Variants in TAF1 observed in about 807,000 individuals in gnomAD.
TAF1 encodes the protein transcription initiation factor TFIID subunit 1.
A neutral mutation model predicts 138.5 loss-of-function variants in TAF1; 2 were observed. The observed-to-expected ratio is 0.01, with a 90% CI of 0.01 to 0.05. The LOEUF is 0.05. Among genes scored for constraint, TAF1 ranks in the 10% least tolerant of loss-of-function variants. The probability of loss-of-function intolerance (pLI) is 1.00; values close to 1 mark genes in which losing one functional copy is unlikely to be tolerated. For missense variants in TAF1, 709 were observed against 1,478.0 expected (o/e 0.48, Z 8.53); for synonymous variants, 437 against 503.2 (o/e 0.87, Z 1.76).
intron 25 of TAF1, among the ~76,000 whole-genome samples, chrX:71,405,760 A>C (rs1027320255): frequency 3.6e-5 from 4 of 112,071 alleles, no homozygotes; most frequent in Non-Finnish European, 7.5e-5. Context: ...TAATCCCAGC[A>C]CTTTGGGAGG....
chrX:71,482,239 A>G (rs1044275873), intron 13 of TAF1, among the ~76,000 whole-genome samples: 12 of 112,396 alleles, frequency 1.1e-4, no homozygotes, highest in African/African-American at 3.9e-4. Flanking sequence ...CTCATGGCCA[A>G]TACTGGACAA....
chrX:71,473,715 C>G (rs1051714148), intron 13 of TAF1, among the ~76,000 whole-genome samples: 4 of 109,628 alleles, frequency 3.6e-5, no homozygotes, highest in African/African-American at 6.6e-5. Flanking sequence ...ATAACAACAA[C>G]AACAACAAAA....
At chrX:71,396,179 A>G (rs1454294555) in intron 22 of TAF1, among the ~76,000 whole-genome samples, 2 of 109,442 alleles carry the variant, frequency 1.8e-5, no homozygotes, top group Non-Finnish European at 3.8e-5. Flanking sequence ...ACATTTGAAC[A>G]AGATCCTCAG....
chrX:71,493,391 T>C (rs936207678), intron 13 of TAF1, among the ~76,000 whole-genome samples: 18 of 112,573 alleles, frequency 1.6e-4, no homozygotes, highest in African/African-American at 5.8e-4. Flanking sequence ...ATGTGCTCTC[T>C]GTAGCTAAAA....
At chrX:71,386,824 T>G (rs1290398131) in intron 14 of TAF1, among the ~76,000 whole-genome samples, 7 of 113,131 alleles carry the variant, frequency 6.2e-5, no homozygotes, top group Admixed American at 1.9e-4. Flanking sequence ...TCACACGTTG[T>G]GTGTTGGGCT....
intron 32 of TAF1, among the ~76,000 whole-genome samples, chrX:71,452,466 G>A (rs746716690): frequency 2.1e-3 from 235 of 110,040 alleles, no homozygotes; most frequent in African/African-American, 7.3e-3. Flanking sequence ...GACGATGGGC[G>A]GCTGGGCAGA....
At chrX:71,515,219 C>T (rs753768807) in intron 13 of TAF1, among the ~76,000 whole-genome samples, 1 of 111,248 alleles carries the variant, frequency 9.0e-6, no homozygotes, top group African/African-American at 3.3e-5. Context: ...AATTCCAGAG[C>T]TATTTTGATA....
At chrX:71,463,158 CA>C (rs1437274366) in intron 37 of TAF1, among the ~76,000 whole-genome samples, 2 of 111,136 alleles carry the variant, frequency 1.8e-5, no homozygotes, top group Non-Finnish European at 3.8e-5. Flanking sequence ...CTAAAGTTCA[CA>C]AAAAATTTTG....
rs969286918 is a variant in TAF1, at chrX:71,407,830, T to C, written c.4207-144T>C. The C allele has an allele frequency of 5.9e-4, 574 of 969,406 alleles. 2 individuals are homozygous for C. Among genetic ancestry groups the C allele is most frequent in the Non-Finnish European group, 3.9e-4 (281 of 713,329 alleles). 79.9% of individuals were successfully genotyped at this position (969,406 alleles called of 1,213,427 possible). A position where few individuals can be genotyped will look rare whatever the true frequency, so the allele number is the denominator to read the frequency against. On this transcript the variant is annotated intron_variant, in intron 27 of 37. Transcript: ENST00000423759. Reference sequence around the variant, plus strand: ...TTGTTTGTTTGTTTTTTTAAGCAGTTTAGTAGAGGAAACAGACGTGCTCCA... The same window carrying C: ...TTGTTTGTTTGTTTTTTTAAGCAGTCTAGTAGAGGAAACAGACGTGCTCCA...
chrX:71,407,054 T>C (rs1407388209), intron 26 of TAF1, among the ~76,000 whole-genome samples: 1 of 107,775 alleles, frequency 9.3e-6, no homozygotes, highest in Non-Finnish European at 1.9e-5. Context: ...TAGCTGGGAT[T>C]ACAGGTGCAC....
chrX:71,367,424 C>G, intron 1 of TAF1, 75 bp from the exon 2 acceptor site: 5 of 1,114,066 alleles, frequency 4.5e-6, no homozygotes, highest in Non-Finnish European at 4.9e-6. Context: ...TTGTCGTGGA[C>G]CAGGGAAATA....
Position 71,387,433 on chromosome X carries a change from C to G in TAF1, c.2399C>G (p.Ala800Gly). 1 of 1,211,643 alleles carries G rather than the reference C, an allele frequency of 8.3e-7. No homozygotes were observed. Among genetic ancestry groups the G allele is most frequent in the Admixed American group, 2.2e-5 (1 of 46,012 alleles). Residue 800 changes from alanine (A) to glycine (G), a missense_variant, in exon 15 of 38, where the codon GCC becomes GGC. Physicochemically the swap from Ala to Gly is moderately conservative, Grantham distance 60. Transcript: ENST00000423759. ...GTTCCTGGGCCTAACTCCAAAAGGGCCAATACGCATATTCGAGACTTTCTA... is the reference window on the plus strand; with the variant it reads ...GTTCCTGGGCCTAACTCCAAAAGGGGCAATACGCATATTCGAGACTTTCTA... ...FEVPGPNSKR[A>G]NTHIRDFLQV...
intron 25 of TAF1, among the ~76,000 whole-genome samples, chrX:71,402,752 G>C (rs1013848550): frequency 9.0e-6 from 1 of 111,659 alleles, no homozygotes; most frequent in African/African-American, 3.3e-5. Context: ...AATTGTTAAC[G>C]TTTTGTCACA....
chrX:71,524,724 C>CCT (rs1349171095), intron 13 of TAF1, among the ~76,000 whole-genome samples: 1 of 109,064 alleles, frequency 9.2e-6, no homozygotes, highest in South Asian at 4.0e-4. Flanking sequence ...GGGCGGATCA[C>CCT]GAGGTCAGGA....
At position 71,369,546 on chromosome X, in the gene TAF1, G is replaced by A. The variant is rs141148345; in HGVS notation, c.352+1376G>A. Among the ~76,000 whole-genome samples, 798 of 110,660 alleles carry A rather than the reference G, an allele frequency of 7.2e-3. 10 individuals are homozygous for A. The highest frequency in any genetic ancestry group is 0.025 in the African/African-American group (757 of 30,548). ...GTAGTAGACTGACTAATTTAGCTCA[G>A]TTCGTTAGACATTGTTTGAGCACTT... On this transcript the variant is annotated intron_variant, in intron 3 of 37. Transcript: ENST00000423759.
intron 22 of TAF1, among the ~76,000 whole-genome samples, chrX:71,394,746 C>T (rs1159056022): frequency 8.9e-6 from 1 of 112,188 alleles, no homozygotes; most frequent in East Asian, 2.8e-4. Context: ...ATCCTCCTGC[C>T]TCAGCCTCCT....
intron 25 of TAF1, 59 bp downstream of exon 25, chrX:71,401,798 G>C: frequency 9.2e-7 from 1 of 1,092,475 alleles, no homozygotes; most frequent in Non-Finnish European, 1.3e-6. Flanking sequence ...TGGTTATATT[G>C]GTGGCTGGCA....
At chrX:71,419,106 G>A (rs1205879397) in intron 28 of TAF1, among the ~76,000 whole-genome samples, 1 of 111,730 alleles carries the variant, frequency 9.0e-6, no homozygotes, top group African/African-American at 3.3e-5. Context: ...TTAACCCGAT[G>A]TTATTAGAAC....
In TAF1 at chrX:71,452,327, T is replaced by G. The variant is rs1191964594; in HGVS notation, c.4754-1843T>G. On this transcript the variant is annotated intron_variant, in intron 32 of 37. Coordinates refer to ENST00000423759, the MANE Select transcript of TAF1 (RefSeq NM_004606.5). ...GACGGGGCGGTTGCCGGGCGGAGGG[T>G]CTCCTCACTTCTCAGACGGGGCAGC... Among the ~76,000 whole-genome samples, 52 of 86,136 alleles carry G rather than the reference T, an allele frequency of 6.0e-4. 1 individual carries two copies. Among genetic ancestry groups the G allele is most frequent in the Non-Finnish European group, 9.9e-4 (44 of 44,496 alleles). 74.8% of individuals were successfully genotyped at this position (86,136 alleles called of 115,157 possible).
Sources: allele counts gnomAD v4.1 joint callset (sites outside exome capture counted in the v4.1 genomes callset), GRCh38; gene constraint gnomAD v4.1.1; transcripts MANE v1.5; gene names NCBI Gene and HGNC (gene_info 2026-07-23, HGNC 2026-07-21).